Variants in FOXN3 observed in about 807,000 individuals in gnomAD.
The protein encoded by FOXN3 is forkhead box protein N3.
FOXN3 carries 7 observed loss-of-function variants against 38.4 expected under a neutral mutation model. The ratio of observed to expected loss-of-function variants is 0.18; its 90% CI spans 0.10 to 0.34. The LOEUF (loss-of-function observed/expected upper bound fraction) is 0.34. Among genes scored for constraint, FOXN3 ranks in the 10% least tolerant of loss-of-function variants. FOXN3 has a pLI of 1.00. For synonymous variants in FOXN3, 230 were observed against 242.2 expected, an observed-to-expected ratio of 0.95 and a Z score of 0.47; for missense variants, 456 against 613.4, an observed-to-expected ratio of 0.74 and a Z score of 2.71.
rs556176074 is a variant in FOXN3, at chr14:89,206,816, G to A, written c.746-26010C>T. ...TCAACATTCTTCTAGAAAGAGTTTCGACTTTTTTTTCTTCTTTTTTTAAAC... is the reference window on the plus strand; with the variant it reads ...TCAACATTCTTCTAGAAAGAGTTTCAACTTTTTTTTCTTCTTTTTTTAAAC... On this transcript the variant is annotated intron_variant, in intron 4 of 5. Transcript: ENST00000557258. Among the ~76,000 whole-genome samples the A allele has an allele frequency of 3.3e-5, 5 of 152,210 alleles. No individual in the cohort carries two copies. The South Asian group carries it at 1.0e-3, about 32-fold the overall frequency.
chr14:89,501,852 AAAACAAAC>A (rs141179233), intron 1 of FOXN3, among the ~76,000 whole-genome samples: 10 of 151,596 alleles, frequency 6.6e-5, no homozygotes, highest in African/African-American at 2.4e-4. Flanking sequence ...CCATCTCAAA[AAAACAAAC>A]AAACAAACAA....
chr14:89,286,569 A>G (rs1262066991), intron 3 of FOXN3, among the ~76,000 whole-genome samples: 2 of 152,190 alleles, frequency 1.3e-5, no homozygotes, highest in African/African-American at 2.4e-5. Flanking sequence ...CCAGACTGCA[A>G]TTTCCCCAGG....
chr14:89,396,101 T>G (rs1040574540), intron 2 of FOXN3, among the ~76,000 whole-genome samples: 1 of 152,184 alleles, frequency 6.6e-6, no homozygotes, highest in African/African-American at 2.4e-5. Context: ...TCAAGGACAT[T>G]CTGAGTAATC....
intron 3 of FOXN3, among the ~76,000 whole-genome samples, chr14:89,288,685 T>C (rs867458666): frequency 1.1e-5 from 1 of 89,502 alleles, no homozygotes; most frequent in South Asian, 3.9e-4. Context: ...TCTCTCTCTC[T>C]CTCTCTCTCT....
intron 1 of FOXN3, among the ~76,000 whole-genome samples, chr14:89,531,534 C>G (rs1219562245): frequency 2.0e-5 from 3 of 152,216 alleles, no homozygotes; most frequent in Non-Finnish European, 2.9e-5. Context: ...CTCTTTCTCT[C>G]TTGCTTCGAC....
intron 3 of FOXN3, among the ~76,000 whole-genome samples, chr14:89,336,216 C>CTCCAACCATCCA (rs150227035): frequency 0.019 from 2,769 of 143,152 alleles, 82 homozygotes; most frequent in African/African-American, 0.067. Flanking sequence ...CTAACGGTGC[C>CTCCAACCATCCA]TCCATCCATC....
intron 1 of FOXN3, among the ~76,000 whole-genome samples, chr14:89,589,260 C>T (rs1401312767): frequency 6.6e-6 from 1 of 152,162 alleles, no homozygotes; most frequent in Non-Finnish European, 1.5e-5. Flanking sequence ...AAAAGACACA[C>T]CCTTCTCTCC....
At chr14:89,357,852 T>C (rs941425427) in intron 2 of FOXN3, among the ~76,000 whole-genome samples, 2 of 152,210 alleles carry the variant, frequency 1.3e-5, no homozygotes, top group Admixed American at 6.5e-5. Context: ...CTCGCTATTA[T>C]GCAACGCGCG....
At chr14:89,277,117 G>T (rs1257654717) in intron 4 of FOXN3, among the ~76,000 whole-genome samples, 1 of 152,170 alleles carries the variant, frequency 6.6e-6, no homozygotes. Context: ...GGGGGACAGG[G>T]AGTTTGGAAA....
chr14:89,285,264 T>TA (rs2139924120), intron 3 of FOXN3, among the ~76,000 whole-genome samples: 1 of 152,316 alleles, frequency 6.6e-6, no homozygotes, highest in East Asian at 1.9e-4. Context: ...CTCACGCCTG[T>TA]AATCCCAGCA....
intron 5 of FOXN3, among the ~76,000 whole-genome samples, chr14:89,173,793 T>C (rs61985196): frequency 0.25 from 38,412 of 151,998 alleles, 5,460 homozygotes; most frequent in Middle Eastern, 0.34. Context: ...GAGTTCGAGA[T>C]CAGCCTGGGC....
intron 4 of FOXN3, among the ~76,000 whole-genome samples, chr14:89,226,669 C>A (rs1884650189): frequency 6.6e-6 from 1 of 152,156 alleles, no homozygotes; most frequent in Non-Finnish European, 1.5e-5. Flanking sequence ...AGGTCCTAAC[C>A]AGTACCCCAG....
At chr14:89,339,818 TG>T (rs1159387008) in intron 3 of FOXN3, among the ~76,000 whole-genome samples, 2 of 152,224 alleles carry the variant, frequency 1.3e-5, no homozygotes, top group East Asian at 3.9e-4. Context: ...AAGCTAAGCC[TG>T]GGCTGGAGGC....
At chr14:89,518,983 C>G (rs1163913734) in intron 1 of FOXN3, among the ~76,000 whole-genome samples, 1 of 152,180 alleles carries the variant, frequency 6.6e-6, no homozygotes, top group Non-Finnish European at 1.5e-5. Context: ...CCACTGCACT[C>G]TAGCCTGGGC....
chr14:89,414,511 C>T (rs1287488609), intron 1 of FOXN3, among the ~76,000 whole-genome samples: 4 of 150,856 alleles, frequency 2.7e-5, no homozygotes, highest in Non-Finnish European at 5.9e-5. Flanking sequence ...ACCTGCTAGA[C>T]GCAAGGCCTA....
At chr14:89,392,933 A>G (rs1890995201) in intron 2 of FOXN3, among the ~76,000 whole-genome samples, 1 of 151,786 alleles carries the variant, frequency 6.6e-6, no homozygotes, top group African/African-American at 2.4e-5. Flanking sequence ...CAGCCTCCCG[A>G]GTAGCTGGGA....
At chr14:89,439,059 T>TA (rs1420070579) in intron 1 of FOXN3, among the ~76,000 whole-genome samples, 1 of 151,998 alleles carries the variant, frequency 6.6e-6, no homozygotes, top group African/African-American at 2.4e-5. Context: ...CGCCTGGCCT[T>TA]ACATTCTTTT....
At chr14:89,613,116 CAA>C (rs10581958) in intron 1 of FOXN3, among the ~76,000 whole-genome samples, 3 of 74,590 alleles carry the variant, frequency 4.0e-5, no homozygotes, top group Non-Finnish European at 4.7e-5. Flanking sequence ...GACTCTGTCT[CAA>C]AAAAAAAAAA....
At chr14:89,491,847 T>C (rs1893582782) in intron 1 of FOXN3, among the ~76,000 whole-genome samples, 1 of 152,256 alleles carries the variant, frequency 6.6e-6, no homozygotes, top group Non-Finnish European at 1.5e-5. Context: ...TGGAAGCGAT[T>C]GAGTTTCCTC....
Sources: gnomAD v4.1 joint callset for allele counts (sites outside exome capture counted in the v4.1 genomes callset) on GRCh38, gnomAD v4.1.1 for gene constraint, MANE v1.5 for transcripts, NCBI Gene and HGNC (gene_info 2026-07-23, HGNC 2026-07-21) for gene names.